Variants in DUSP11 observed in about 807,000 individuals in gnomAD.
DUSP11 encodes the protein dual specificity phosphatase 11.
A neutral mutation model predicts 41.4 loss-of-function variants in DUSP11; 27 were observed. That is an observed-to-expected ratio of 0.65 (90% CI 0.48 to 0.90). The LOEUF (loss-of-function observed/expected upper bound fraction) is 0.90, where lower values mean the gene tolerates loss of function less well. DUSP11 is among the 40% of genes least tolerant of loss of function. The pLI, the probability that DUSP11 is intolerant of heterozygous loss-of-function variation, is 0.00. For missense variants in DUSP11, 465 were observed against 461.1 expected (o/e 1.01, Z -0.08); for synonymous variants, 188 against 159.3 (o/e 1.18, Z -1.35).
rs1402217819 is a variant in DUSP11, at chr2:73,762,872, C to A, written c.936-13G>T. On this transcript the variant is annotated splice_polypyrimidine_tract_variant and intron_variant, in intron 8 of 8. Coordinates refer to ENST00000272444, the Ensembl canonical transcript of DUSP11. ...CTCTGAAAATTTTCTTAAAGCAAAA[C>A]AAAAAGTAATAAGCCATTACTAGGA... 10 of 1,502,592 alleles carry A rather than the reference C, an allele frequency of 6.7e-6. No homozygotes were observed. Among genetic ancestry groups the A allele is most frequent in the African/African-American group, 5.5e-5 (4 of 72,184 alleles). The allele number at this position is 1,502,592 out of a possible 1,614,324, so 93.1% of individuals were successfully genotyped here.
At chr2:73,779,936 C>G (rs767174343) in exon 1 of DUSP11, 1 of 1,614,238 alleles carries the variant, frequency 6.2e-7, no homozygotes, top group Non-Finnish European at 8.5e-7. Flanking sequence ...AGTCGCGTCT[C>G]CGGCCCCAGC....
intron 2 of DUSP11, among the ~76,000 whole-genome samples, chr2:73,776,211 G>C (rs1035436738): frequency 6.6e-6 from 1 of 151,718 alleles, no homozygotes; most frequent in Non-Finnish European, 1.5e-5. Context: ...TCAGGAGATC[G>C]AGACCATCCT....
intron 5 of DUSP11, chr2:73,768,898 G>GT (rs1672520991): frequency 6.1e-6 from 1 of 163,648 alleles, no homozygotes; most frequent in Admixed American, 6.5e-5. Context: ...AGAACTTGGA[G>GT]TGAGTCGAGA....
chr2:73,768,027 T>C (rs1672503105), intron 5 of DUSP11: 1 of 152,350 alleles, frequency 6.6e-6, no homozygotes, highest in Non-Finnish European at 1.5e-5. Context: ...TCCAGCTCCA[T>C]TTTAACGCCA....
chr2:73,766,993 T>G, intron 6 of DUSP11, 90 bp from the exon 7 acceptor site: 1 of 1,285,192 alleles, frequency 7.8e-7, no homozygotes, highest in East Asian at 2.3e-5. Context: ...CTATTCAAGC[T>G]GTTATATCTC....
At chr2:73,773,200 T>G (rs1672618883) in intron 4 of DUSP11, 1 of 152,600 alleles carries the variant, frequency 6.6e-6, no homozygotes, top group South Asian at 2.1e-4. Flanking sequence ...AGTTCTCCCA[T>G]GTGAAGAATA....
chr2:73,769,194 C>T, intron 5 of DUSP11, 71 bp downstream of exon 5: 1 of 1,361,306 alleles, frequency 7.3e-7, no homozygotes, highest in Non-Finnish European at 1.0e-6. Context: ...CCATTTTTTA[C>T]AACCTTACAT....
At chr2:73,773,709 C>T in intron 4 of DUSP11, 91 bp downstream of exon 4, 1 of 1,288,096 alleles carries the variant, frequency 7.8e-7, no homozygotes, top group Non-Finnish European at 1.1e-6. Context: ...TTAAATACAA[C>T]AGGTCTGAGG....
exon 1 of DUSP11, chr2:73,779,909 T>C (rs747091137): frequency 2.5e-6 from 4 of 1,614,222 alleles, no homozygotes; most frequent in African/African-American, 1.3e-5. Flanking sequence ...TCTTCTTGGC[T>C]GAGGAGCGTC....
chr2:73,778,833 A>G (rs1047561884), intron 1 of DUSP11, among the ~76,000 whole-genome samples: 1 of 152,164 alleles, frequency 6.6e-6, no homozygotes, highest in African/African-American at 2.4e-5. Flanking sequence ...TAGAAGAGGG[A>G]CTGTGAACTT....
rs112924936 is a variant in DUSP11, at chr2:73,777,921, C to T, written c.318+380G>A. On this transcript the variant is annotated intron_variant, in intron 2 of 8. Coordinates refer to ENST00000272444, the Ensembl canonical transcript of DUSP11. Reference sequence around the variant, plus strand: ...CTTTGTTATATTTGGAAATCTATTACAGAAACTCCTACCACTAAAGCAATA... The same window carrying T: ...CTTTGTTATATTTGGAAATCTATTATAGAAACTCCTACCACTAAAGCAATA... 3.6e-3 allele frequency among the ~76,000 whole-genome samples: 552 copies of T among 152,220 alleles called. 6 individuals carry two copies. The highest frequency in any genetic ancestry group is 0.013 in the African/African-American group (526 of 41,532).
exon 9 of DUSP11, chr2:73,762,563 A>G: frequency 2.2e-6 from 2 of 892,012 alleles, no homozygotes; most frequent in Non-Finnish European, 1.7e-6. Context: ...ATAAGGGAAC[A>G]ATAAAGAAAC....
At chr2:73,763,498 C>T (rs574990703) in intron 8 of DUSP11, among the ~76,000 whole-genome samples, 5 of 152,178 alleles carry the variant, frequency 3.3e-5, no homozygotes, top group African/African-American at 7.2e-5. Context: ...CCAAGGCGGG[C>T]GGATCACCTG....
intron 8 of DUSP11, 68 bp downstream of exon 8, chr2:73,766,350 T>C (rs1672461206): frequency 7.5e-7 from 1 of 1,336,670 alleles, no homozygotes; most frequent in Admixed American, 2.4e-5. Context: ...AGTATCATAA[T>C]GTGTTTTCAT....
At chr2:73,769,804 C>T (rs1035845258) in intron 4 of DUSP11, among the ~76,000 whole-genome samples, 7 of 152,210 alleles carry the variant, frequency 4.6e-5, no homozygotes. Context: ...GGTCTACCTG[C>T]CCTGTGAAGT....
chr2:73,776,126 C>G (rs1052957282), intron 2 of DUSP11, among the ~76,000 whole-genome samples: 3 of 151,856 alleles, frequency 2.0e-5, no homozygotes, highest in African/African-American at 7.3e-5. Flanking sequence ...AAAAAATAGA[C>G]TAGTTTGGCT....
At chr2:73,762,980 TCTA>T (rs1672391913) in intron 8 of DUSP11, 121 bp from the exon 9 acceptor site, 2 of 375,116 alleles carry the variant, frequency 5.3e-6, no homozygotes, top group South Asian at 2.5e-4. Flanking sequence ...TAATATATAT[TCTA>T]CTGTTTCCTA....
rs1672760010 is a variant in DUSP11 at position 73,779,948 on chromosome 2, AC to A, written c.167del (p.Ser56MetfsTer81). On this transcript the variant is annotated frameshift_variant, in exon 1 of 9. Coordinates refer to ENST00000272444, the Ensembl canonical transcript of DUSP11. LOFTEE classifies it high-confidence loss of function. Reference sequence around the variant, plus strand: ...AAAAGTCGCGTCTCCGGCCCCAGCCACTGCGGGGATGATGCCACTGGCTCAT... The same window carrying A: ...AAAAGTCGCGTCTCCGGCCCCAGCCATGCGGGGATGATGCCACTGGCTCAT... The A allele has an allele frequency of 6.2e-7, 1 of 1,614,120 alleles. No homozygotes were observed. The highest frequency in any genetic ancestry group is 1.3e-5 in the African/African-American group (1 of 74,942).
chr2:73,773,119 G>A (rs950505166), intron 4 of DUSP11: 25 of 152,358 alleles, frequency 1.6e-4, no homozygotes, highest in African/African-American at 5.3e-4. Context: ...TAAAGAAGCT[G>A]TTAAGTTCTA....
Sources: allele counts gnomAD v4.1 joint callset (sites outside exome capture counted in the v4.1 genomes callset), GRCh38; gene constraint gnomAD v4.1.1; transcripts MANE v1.5; gene names NCBI Gene and HGNC (gene_info 2026-07-23, HGNC 2026-07-21).